HOXC4: variants seen among roughly 807,000 people sequenced by gnomAD.
HOXC4 encodes homeobox protein Hox-C4.
HOXC4 carries 15 observed loss-of-function variants against 25.5 expected under a neutral mutation model. The observed-to-expected ratio is 0.59, with a 90% confidence interval of 0.39 to 0.91. The LOEUF (loss-of-function observed/expected upper bound fraction) is 0.91. HOXC4 is among the 40% of genes least tolerant of loss of function. The probability of loss-of-function intolerance (pLI) is 0.00; values close to 1 mark genes in which losing one functional copy is unlikely to be tolerated. For missense variants in HOXC4, 342 were observed against 352.4 expected, an observed-to-expected ratio of 0.97 and a Z score of 0.24; for synonymous variants, 165 against 148.0, an observed-to-expected ratio of 1.11 and a Z score of -0.83.
chr12:54,035,578 A>C (rs1299862848), intron 1 of HOXC4, among the ~76,000 whole-genome samples: 1 of 152,184 alleles, frequency 6.6e-6, no homozygotes, highest in Non-Finnish European at 1.5e-5. Flanking sequence ...CTAGGCCTCG[A>C]GTACTGGCTT....
chr12:54,051,309 T>C (rs1406178232), upstream of HOXC4, among the ~76,000 whole-genome samples: 2 of 152,024 alleles, frequency 1.3e-5, no homozygotes. Context: ...AGCTTTGGAC[T>C]TCCCGGTGGA....
chr12:54,029,468 G>T (rs977437609), intron 1 of HOXC4, among the ~76,000 whole-genome samples: 2 of 141,512 alleles, frequency 1.4e-5, no homozygotes. Context: ...CTTATAGGAG[G>T]TCTGAAGTTG....
intron 1 of HOXC4, among the ~76,000 whole-genome samples, chr12:54,043,411 C>T (rs765425844): frequency 2.0e-5 from 3 of 152,132 alleles, no homozygotes; most frequent in Non-Finnish European, 4.4e-5. Flanking sequence ...CAGCCCCTGG[C>T]CCTGAACACC....
upstream of HOXC4, among the ~76,000 whole-genome samples, chr12:54,049,707 C>T (rs987822360): frequency 1.3e-5 from 2 of 150,268 alleles, no homozygotes; most frequent in African/African-American, 4.9e-5. Flanking sequence ...CTTTTGCATA[C>T]ATTAGCCCTG....
At chr12:54,023,563 GT>G (rs943907824) in intron 1 of HOXC4, among the ~76,000 whole-genome samples, 5 of 152,212 alleles carry the variant, frequency 3.3e-5, no homozygotes, top group African/African-American at 9.6e-5. Flanking sequence ...CCTTGGAGGT[GT>G]TTGGGGGCAG....
At chr12:54,026,964 TGG>T (rs71068201) in intron 1 of HOXC4, among the ~76,000 whole-genome samples, 20,846 of 127,262 alleles carry the variant, frequency 0.16, 1,667 homozygotes, top group East Asian at 0.43. Context: ...CCAAAAATGG[TGG>T]GGGGGGGGGG....
intron 1 of HOXC4, among the ~76,000 whole-genome samples, chr12:54,023,282 A>G (rs1940532697): frequency 6.6e-6 from 1 of 152,178 alleles, no homozygotes; most frequent in Admixed American, 6.5e-5. Flanking sequence ...GACCTATTTT[A>G]CGTTTTAACC....
At chr12:54,052,185 G>C (rs916924619), upstream of HOXC4, among the ~76,000 whole-genome samples, 1 of 152,124 alleles carries the variant, frequency 6.6e-6, no homozygotes, top group Non-Finnish European at 1.5e-5. Flanking sequence ...ACGACTTTTC[G>C]TGGAAAGGAG....
chr12:54,039,442 T>C (rs937990653), intron 1 of HOXC4, among the ~76,000 whole-genome samples: 41 of 152,186 alleles, frequency 2.7e-4, no homozygotes, highest in African/African-American at 9.6e-4. Flanking sequence ...CATGAGGAGC[T>C]CGGGAACCCG....
intron 1 of HOXC4, among the ~76,000 whole-genome samples, chr12:54,019,171 TCCCCCACC>T (rs1368372634): frequency 8.8e-5 from 7 of 79,232 alleles, no homozygotes; most frequent in Admixed American, 4.1e-4. Context: ...TCTCTCCCCC[TCCCCCACC>T]CCCCCACCCC....
At chr12:54,031,793 T>C (rs1015744791) in intron 1 of HOXC4, among the ~76,000 whole-genome samples, 3 of 152,148 alleles carry the variant, frequency 2.0e-5, no homozygotes, top group African/African-American at 7.2e-5. Flanking sequence ...GACTTGGGGC[T>C]ACGGGGGAAG....
chr12:54,023,137 C>G (rs574980836), intron 1 of HOXC4, among the ~76,000 whole-genome samples: 2 of 152,346 alleles, frequency 1.3e-5, no homozygotes, highest in South Asian at 2.1e-4. Context: ...CAAGCCCCCT[C>G]CTCAGCTAAT....
rs1937946400 is a variant in HOXC4, at chr12:54,055,157, C to G, written c.747C>G (p.Ser249Arg). 3.1e-6 allele frequency: 5 copies of G among 1,612,020 alleles called. No homozygotes were observed. The highest frequency in any genetic ancestry group is 4.2e-6 in the Non-Finnish European group (5 of 1,179,032). ...GTACTTCTGAAGACCACTCCCAGAG[C>G]GCCACGCCGCCGGAGCAGCAACGGG... ...TPGTSEDHSQ[S>R]ATPPEQQRAE... The change falls in exon 2 of 2, where the codon AGC (serine) becomes AGG (arginine). Residue 249 changes from serine (S) to arginine (R), a missense_variant. By Grantham distance (110) the Ser-to-Arg change is moderately radical (BLOSUM62 -1). Coordinates refer to ENST00000430889, the MANE Select transcript of HOXC4 (RefSeq NM_153633.3).
Position 54,054,968 on chromosome 12 carries a change from G to A in HOXC4, c.558G>A (p.Arg186=). The change falls in exon 2 of 2, where the codon AGG becomes AGA. Residue 186 remains arginine (R), a synonymous_variant. Coordinates refer to ENST00000430889, the MANE Select transcript of HOXC4 (RefSeq NM_153633.3). ...ACCGCTACCTGACCCGAAGGAGAAG[G>A]ATCGAGATCGCCCACTCGCTGTGCC... ...HYNRYLTRRR[R]IEIAHSLCLS... 6.2e-7 allele frequency: 1 copy of A among 1,614,068 alleles called. No homozygotes were observed. The highest frequency in any genetic ancestry group is 8.5e-7 in the Non-Finnish European group (1 of 1,180,024).
At chr12:54,037,928 G>C (rs1022873081) in intron 1 of HOXC4, 3 of 152,274 alleles carry the variant, frequency 2.0e-5, no homozygotes, top group African/African-American at 7.2e-5. Context: ...TGCTAGGACA[G>C]AGGGCCTGGC....
chr12:54,033,118 C>G, intron 1 of HOXC4: 1 of 1,594,552 alleles, frequency 6.3e-7, no homozygotes, highest in Non-Finnish European at 8.6e-7. Context: ...TGGGCCCTCC[C>G]CGCCATGAGC....
At chr12:54,027,232 G>A (rs1329004512) in intron 1 of HOXC4, among the ~76,000 whole-genome samples, 1 of 152,176 alleles carries the variant, frequency 6.6e-6, no homozygotes, top group Non-Finnish European at 1.5e-5. Flanking sequence ...AGGTTGCTGA[G>A]AGGCCCATCC....
At chr12:54,033,077 C>T (rs747746255) in intron 1 of HOXC4, 3 of 1,504,556 alleles carry the variant, frequency 2.0e-6, no homozygotes, top group East Asian at 2.3e-5. Context: ...TCACAAATCA[C>T]CCTTAATCAA....
chr12:54,017,923 G>A (rs992442229), intron 1 of HOXC4, among the ~76,000 whole-genome samples: 2 of 152,096 alleles, frequency 1.3e-5, no homozygotes, highest in African/African-American at 4.8e-5. Flanking sequence ...CCCTCCCAGA[G>A]AGCGCGACTG....
Sources: gnomAD v4.1 joint callset for allele counts (sites outside exome capture counted in the v4.1 genomes callset) on GRCh38, gnomAD v4.1.1 for gene constraint, MANE v1.5 for transcripts, NCBI Gene and HGNC (gene_info 2026-07-23, HGNC 2026-07-21) for gene names.